Variants in EIF3E observed in about 807,000 individuals in gnomAD.
EIF3E encodes the protein eIF-3 p48.
Under a neutral mutation model 59.3 loss-of-function variants are expected in EIF3E, and 25 were observed. The observed-to-expected ratio is 0.42, with a 90% CI of 0.31 to 0.59. The LOEUF (loss-of-function observed/expected upper bound fraction) is 0.59. Among genes scored for constraint, EIF3E ranks in the 20% least tolerant of loss-of-function variants. The probability of loss-of-function intolerance (pLI) is 0.15; values close to 1 mark genes in which losing one functional copy is unlikely to be tolerated. For synonymous variants in EIF3E, 176 were observed against 170.2 expected, an observed-to-expected ratio of 1.03 and a Z score of -0.26; for missense variants, 317 against 534.3, an observed-to-expected ratio of 0.59 and a Z score of 4.01.
rs77883046 is a variant in EIF3E at position 108,215,907 on chromosome 8, G to A, written c.951+505C>T. On this transcript the variant is annotated intron_variant, in intron 9 of 12. Transcript: ENST00000220849. ...TTTCTACTAAACAATAAGAGACACCGCCGTTATAAAATTCGTAATTACAAT... is the reference window on the plus strand; with the variant it reads ...TTTCTACTAAACAATAAGAGACACCACCGTTATAAAATTCGTAATTACAAT... 5.2e-3 allele frequency among the ~76,000 whole-genome samples: 787 copies of A among 152,148 alleles called. 5 individuals carry two copies. Among genetic ancestry groups the A allele is most frequent in the Non-Finnish European group, 7.2e-3 (489 of 68,002 alleles).
intron 1 of EIF3E, among the ~76,000 whole-genome samples, chr8:108,246,201 T>C (rs1815944846): frequency 1.3e-5 from 2 of 151,072 alleles, no homozygotes; most frequent in African/African-American, 2.4e-5. Flanking sequence ...AACTTACGAA[T>C]TGCTAATTTC....
chr8:108,247,249 T>C (rs1452586839), intron 1 of EIF3E, among the ~76,000 whole-genome samples: 2 of 152,070 alleles, frequency 1.3e-5, no homozygotes, highest in Non-Finnish European at 2.9e-5. Flanking sequence ...AAAATGAAAT[T>C]ATAAAGAACA....
chr8:108,247,523 A>T (rs1815971177), intron 1 of EIF3E, among the ~76,000 whole-genome samples: 2 of 152,224 alleles, frequency 1.3e-5, no homozygotes. Context: ...TAACGTCAAC[A>T]ACTTTAGAGT....
chr8:108,215,895 A>G (rs983590627), intron 9 of EIF3E, among the ~76,000 whole-genome samples: 1 of 152,264 alleles, frequency 6.6e-6, no homozygotes. Flanking sequence ...CTACTAAACA[A>G]TAAGAGACAC....
intron 1 of EIF3E, among the ~76,000 whole-genome samples, chr8:108,245,129 CT>C (rs576494538): frequency 1.6e-3 from 227 of 146,034 alleles, no homozygotes; most frequent in Admixed American, 1.9e-3. Flanking sequence ...CTGCCCCCCC[CT>C]CCCATCCCAT....
At chr8:108,245,159 A>T (rs1471978220) in intron 1 of EIF3E, among the ~76,000 whole-genome samples, 1 of 150,986 alleles carries the variant, frequency 6.6e-6, no homozygotes, top group Non-Finnish European at 1.5e-5. Flanking sequence ...AGAATGGGCT[A>T]GTCTTCCAAA....
intron 7 of EIF3E, among the ~76,000 whole-genome samples, chr8:108,222,587 T>G (rs963480615): frequency 6.6e-6 from 1 of 152,180 alleles, no homozygotes; most frequent in African/African-American, 2.4e-5. Flanking sequence ...CAATGACCAA[T>G]GTGCTCTTTT....
intron 4 of EIF3E, among the ~76,000 whole-genome samples, chr8:108,235,705 T>C (rs774241609): frequency 2.6e-5 from 4 of 152,220 alleles, no homozygotes; most frequent in East Asian, 3.8e-4. Context: ...TGGGGACTTA[T>C]AAAGACCTTG....
intron 7 of EIF3E, chr8:108,227,313 G>C (rs1484006464): frequency 2.0e-5 from 3 of 151,834 alleles, no homozygotes; most frequent in African/African-American, 7.3e-5. Flanking sequence ...AACACAGCCA[G>C]ACATTATCTA....
chr8:108,243,022 G>C (rs1259530963), intron 1 of EIF3E, among the ~76,000 whole-genome samples: 3 of 152,118 alleles, frequency 2.0e-5, no homozygotes, highest in African/African-American at 4.8e-5. Flanking sequence ...TATAGTCAAA[G>C]TGCACTTCCA....
At chr8:108,207,464 T>A (rs1381916973) in intron 10 of EIF3E, among the ~76,000 whole-genome samples, 2 of 152,220 alleles carry the variant, frequency 1.3e-5, no homozygotes, top group Non-Finnish European at 2.9e-5. Flanking sequence ...AAAGTTGGCG[T>A]AACCTATCCC....
At chr8:108,204,746 T>TATATATATATAG (rs1354950271) in intron 10 of EIF3E, among the ~76,000 whole-genome samples, 60 of 113,632 alleles carry the variant, frequency 5.3e-4, no homozygotes, top group Middle Eastern at 5.2e-3. Flanking sequence ...TATATATATA[T>TATATATATATAG]AGAGAGAGAG....
chr8:108,220,242 A>C (rs1815385067), intron 7 of EIF3E, among the ~76,000 whole-genome samples: 1 of 152,222 alleles, frequency 6.6e-6, no homozygotes, highest in African/African-American at 2.4e-5. Context: ...AATTGAGCAC[A>C]TTTAGAAAGA....
intron 7 of EIF3E, among the ~76,000 whole-genome samples, chr8:108,217,953 G>A (rs1455760000): frequency 1.3e-5 from 2 of 152,186 alleles, no homozygotes; most frequent in African/African-American, 2.4e-5. Context: ...GGTTAAAGTG[G>A]TAGCAGTAGG....
rs76090823 is a variant in EIF3E at position 108,237,952 on chromosome 8, T to C, written c.324-1749A>G. On this transcript the variant is annotated intron_variant, in intron 3 of 12. Coordinates refer to ENST00000220849, the MANE Select transcript of EIF3E (RefSeq NM_001568.3). ...AGTCTGTAAGTATAAGATTACAAGT[T>C]TTTAACACATGATCCTTTCATTTAT... Among the ~76,000 whole-genome samples the C allele has an allele frequency of 1.1e-4, 16 of 152,340 alleles. No individual in the cohort carries two copies. In the East Asian group the frequency reaches 2.9e-3, roughly 28 times the overall value.
chr8:108,248,594 C>A lies in EIF3E; in HGVS notation c.90+19G>T, dbSNP rs759178695. 1.2e-6 allele frequency: 2 copies of A among 1,612,876 alleles called. No homozygotes were observed. The highest frequency in any genetic ancestry group is 1.7e-6 in the Non-Finnish European group (2 of 1,179,144). On this transcript the variant is annotated intron_variant, in intron 1 of 12. Transcript: ENST00000220849. Reference sequence around the variant, plus strand: ...CTCATCCGCCCCCACGCCTTCCTTGCGCCCAAAGACCCCCTCACCTCCTTT... The same window carrying A: ...CTCATCCGCCCCCACGCCTTCCTTGAGCCCAAAGACCCCCTCACCTCCTTT...
intron 4 of EIF3E, among the ~76,000 whole-genome samples, chr8:108,235,556 G>A (rs925257345): frequency 6.6e-6 from 1 of 152,150 alleles, no homozygotes; most frequent in Non-Finnish European, 1.5e-5. Context: ...GTGGCCCTCC[G>A]GTACTGGTCC....
intron 10 of EIF3E, among the ~76,000 whole-genome samples, chr8:108,207,498 T>C (rs1013026421): frequency 3.3e-5 from 5 of 152,192 alleles, no homozygotes; most frequent in Admixed American, 2.0e-4. Context: ...CTCATGTTAC[T>C]GAAAATAATT....
intron 10 of EIF3E, among the ~76,000 whole-genome samples, chr8:108,206,759 C>T (rs78636528): frequency 0.038 from 5,719 of 152,170 alleles, 160 homozygotes; most frequent in South Asian, 0.14. Flanking sequence ...GCTATGATTG[C>T]GCCACTGTAC....
Sources: gnomAD v4.1 joint callset for allele counts (sites outside exome capture counted in the v4.1 genomes callset) on GRCh38, gnomAD v4.1.1 for gene constraint, MANE v1.5 for transcripts, NCBI Gene and HGNC (gene_info 2026-07-23, HGNC 2026-07-21) for gene names.